Variants in PDZRN4 observed in about 807,000 individuals in gnomAD.
PDZRN4 encodes PDZ domain-containing RING finger protein 4.
A neutral mutation model predicts 99.0 loss-of-function variants in PDZRN4; 70 were observed. The ratio of observed to expected loss-of-function variants is 0.71; its 90% CI spans 0.58 to 0.86. The LOEUF (loss-of-function observed/expected upper bound fraction) is 0.86. PDZRN4 is among the 40% of genes least tolerant of loss of function. The pLI, the probability that PDZRN4 is intolerant of heterozygous loss-of-function variation, is 0.00. For missense variants in PDZRN4, 1,474 were observed against 1,331.2 expected (o/e 1.11, Z -1.67); for synonymous variants, 551 against 501.6 (o/e 1.10, Z -1.32).
At chr12:41,498,134 T>C (rs1938042682) in intron 3 of PDZRN4, among the ~76,000 whole-genome samples, 1 of 149,082 alleles carries the variant, frequency 6.7e-6, no homozygotes, top group African/African-American at 2.4e-5. Context: ...GTTCTCAATC[T>C]CTCTCTCTCT....
intron 3 of PDZRN4, among the ~76,000 whole-genome samples, chr12:41,257,413 T>C (rs1321744244): frequency 6.6e-6 from 1 of 152,214 alleles, no homozygotes; most frequent in Non-Finnish European, 1.5e-5. Flanking sequence ...TCATCTCTCA[T>C]AGGCCCTGCC....
At chr12:41,513,434 C>T (rs1938343183) in intron 5 of PDZRN4, among the ~76,000 whole-genome samples, 3 of 152,092 alleles carry the variant, frequency 2.0e-5, no homozygotes, top group Non-Finnish European at 2.9e-5. Context: ...AAAAGACTCA[C>T]AGCTTGAAAC....
chr12:41,255,863 G>C (rs1951201912), intron 3 of PDZRN4, among the ~76,000 whole-genome samples: 1 of 152,108 alleles, frequency 6.6e-6, no homozygotes, highest in Admixed American at 6.5e-5. Flanking sequence ...TGAACAACCA[G>C]CTCTCCTGTG....
chr12:41,494,924 A>G (rs1162693458), intron 3 of PDZRN4, among the ~76,000 whole-genome samples: 1 of 152,188 alleles, frequency 6.6e-6, no homozygotes, highest in South Asian at 2.1e-4. Flanking sequence ...GATGTGAAAT[A>G]CCATTCATTG....
intron 3 of PDZRN4, among the ~76,000 whole-genome samples, chr12:41,326,025 C>T (rs1951707593): frequency 6.6e-6 from 1 of 151,840 alleles, no homozygotes; most frequent in African/African-American, 2.4e-5. Context: ...CATTCTGTTG[C>T]CTTGGGAGTA....
chr12:41,474,119 A>G (rs1403999868), intron 3 of PDZRN4, among the ~76,000 whole-genome samples: 1 of 152,208 alleles, frequency 6.6e-6, no homozygotes, highest in Non-Finnish European at 1.5e-5. Context: ...TGGGGGATAA[A>G]TGAGAAAGAT....
intron 3 of PDZRN4, among the ~76,000 whole-genome samples, chr12:41,462,365 C>T (rs1952880748): frequency 2.0e-5 from 3 of 152,116 alleles, no homozygotes; most frequent in Non-Finnish European, 4.4e-5. Flanking sequence ...GTTAATGTGC[C>T]AGGAAGCCTT....
intron 3 of PDZRN4, among the ~76,000 whole-genome samples, chr12:41,236,363 C>A (rs529078575): frequency 4.6e-5 from 7 of 151,984 alleles, no homozygotes; most frequent in African/African-American, 1.7e-4. Context: ...CTTCACAGTA[C>A]TTGGACTGAG....
At chr12:41,477,359 G>A (rs953176653) in intron 3 of PDZRN4, among the ~76,000 whole-genome samples, 1 of 152,136 alleles carries the variant, frequency 6.6e-6, no homozygotes, top group Non-Finnish European at 1.5e-5. Flanking sequence ...AGGCACTCAC[G>A]GGAATGAAAA....
At chr12:41,230,678 T>C (rs1234791692) in intron 3 of PDZRN4, among the ~76,000 whole-genome samples, 2 of 152,116 alleles carry the variant, frequency 1.3e-5, no homozygotes, top group Middle Eastern at 3.2e-3. Context: ...ATAAAGTGTA[T>C]TTCATCTATA....
intron 3 of PDZRN4, among the ~76,000 whole-genome samples, chr12:41,237,719 T>C (rs1951076426): frequency 6.6e-6 from 1 of 152,190 alleles, no homozygotes; most frequent in South Asian, 2.1e-4. Flanking sequence ...ATTAATTAAA[T>C]GGGGAGTCCT....
chr12:41,465,219 T>C (rs1270318637), intron 3 of PDZRN4, among the ~76,000 whole-genome samples: 1 of 152,178 alleles, frequency 6.6e-6, no homozygotes, highest in Non-Finnish European at 1.5e-5. Flanking sequence ...GTAAGAATCA[T>C]CTACCAATGC....
At position 41,555,021 on chromosome 12, in the gene PDZRN4, A is replaced by C. The variant is rs560412172; in HGVS notation, c.1303-677A>C. Among the ~76,000 whole-genome samples, 20 of 146,192 alleles carry C rather than the reference A, an allele frequency of 1.4e-4. No individual in the cohort carries two copies. The East Asian group carries it at 3.5e-3, about 25-fold the overall frequency. On this transcript the variant is annotated intron_variant, in intron 6 of 9. Coordinates refer to ENST00000402685, the MANE Select transcript of PDZRN4 (RefSeq NM_001164595.2). ...CAGGAGATCAAGACCATCCGGGCTA[A>C]CACGGTGAAACCCCATCTCTACTAA...
intron 2 of PDZRN4, among the ~76,000 whole-genome samples, chr12:41,193,384 T>C (rs934303843): frequency 7.9e-5 from 12 of 152,208 alleles, no homozygotes; most frequent in African/African-American, 2.9e-4. Context: ...TGTTGGATAT[T>C]TTCCCCTAAA....
intron 3 of PDZRN4, among the ~76,000 whole-genome samples, chr12:41,325,460 A>G (rs1195567974): frequency 6.6e-6 from 1 of 152,218 alleles, no homozygotes; most frequent in African/African-American, 2.4e-5. Flanking sequence ...TTTTAAAAAC[A>G]TGTAACCAAC....
chr12:41,336,491 G>T (rs1951775405), intron 3 of PDZRN4, among the ~76,000 whole-genome samples: 1 of 135,700 alleles, frequency 7.4e-6, no homozygotes, highest in Non-Finnish European at 1.6e-5. Context: ...TAGTAGCCAT[G>T]CAACTGATGT....
At chr12:41,360,115 T>C (rs1039643150) in intron 3 of PDZRN4, among the ~76,000 whole-genome samples, 1 of 152,024 alleles carries the variant, frequency 6.6e-6, no homozygotes. Flanking sequence ...ATTAGCTCCA[T>C]GAACATAGAA....
chr12:41,214,517 C>A (rs1217685287), intron 3 of PDZRN4, among the ~76,000 whole-genome samples: 2 of 144,860 alleles, frequency 1.4e-5, no homozygotes, highest in African/African-American at 5.0e-5. Flanking sequence ...TAGATCCGAA[C>A]CTGAGTAGAA....
chr12:41,320,387 A>G (rs1479383911), intron 3 of PDZRN4, among the ~76,000 whole-genome samples: 1 of 152,210 alleles, frequency 6.6e-6, no homozygotes, highest in Non-Finnish European at 1.5e-5. Context: ...TTGTCTATCA[A>G]TAAATGTTTG....
Sources: gnomAD v4.1 joint callset for allele counts (sites outside exome capture counted in the v4.1 genomes callset) on GRCh38, gnomAD v4.1.1 for gene constraint, MANE v1.5 for transcripts, NCBI Gene and HGNC (gene_info 2026-07-23, HGNC 2026-07-21) for gene names.